Variants in SH3D19 observed in about 807,000 individuals in gnomAD.
The protein encoded by SH3D19 is SH3 domain containing 19, also known as SH3 domain-containing protein 19.
A neutral mutation model predicts 112.1 loss-of-function variants in SH3D19; 58 were observed. The ratio of observed to expected loss-of-function variants is 0.52; its 90% CI spans 0.42 to 0.64. SH3D19 has a LOEUF of 0.64. Among genes scored for constraint, SH3D19 ranks in the 30% least tolerant of loss-of-function variants. The probability of loss-of-function intolerance (pLI) is 0.00; values close to 1 mark genes in which losing one functional copy is unlikely to be tolerated. For synonymous variants in SH3D19, 391 were observed against 448.5 expected (o/e 0.87, Z 1.62); for missense variants, 1,090 against 1,263.4 (o/e 0.86, Z 2.08).
At chr4:151,281,647 G>C (rs1325290493) in intron 1 of SH3D19, among the ~76,000 whole-genome samples, 1 of 151,152 alleles carries the variant, frequency 6.6e-6, no homozygotes, top group African/African-American at 2.4e-5. Flanking sequence ...TTTGAACTGA[G>C]GGTGGTGGGG....
At chr4:151,268,030 T>C (rs146490267) in intron 1 of SH3D19, among the ~76,000 whole-genome samples, 2 of 152,176 alleles carry the variant, frequency 1.3e-5, no homozygotes, top group African/African-American at 4.8e-5. Context: ...TGGAGATCCG[T>C]CCTGAGAAAT....
intron 2 of SH3D19, among the ~76,000 whole-genome samples, chr4:151,201,923 A>T (rs1020028604): frequency 2.6e-5 from 4 of 151,174 alleles, no homozygotes; most frequent in African/African-American, 9.7e-5. Flanking sequence ...GAGACAGGAG[A>T]TTTGCTTGAA....
At chr4:151,323,881 C>T (rs1480291841) in intron 1 of SH3D19, among the ~76,000 whole-genome samples, 3 of 152,312 alleles carry the variant, frequency 2.0e-5, no homozygotes, top group African/African-American at 4.8e-5. Context: ...GAGAATGAAG[C>T]TTTCTGCTGA....
chr4:151,226,781 G>A (rs888120340), intron 1 of SH3D19, among the ~76,000 whole-genome samples: 6 of 152,148 alleles, frequency 3.9e-5, no homozygotes, highest in African/African-American at 1.4e-4. Flanking sequence ...TGCAGAGGTC[G>A]AGAAACCCTG....
intron 1 of SH3D19, among the ~76,000 whole-genome samples, chr4:151,260,562 A>G (rs974232741): frequency 6.6e-6 from 1 of 152,244 alleles, no homozygotes; most frequent in Non-Finnish European, 1.5e-5. Flanking sequence ...TTGCAATAGT[A>G]TAATAGGTTT....
At chr4:151,279,966 C>T (rs751310804) in intron 1 of SH3D19, 2 of 1,461,800 alleles carry the variant, frequency 1.4e-6, no homozygotes, top group Non-Finnish European at 1.8e-6. Context: ...ACCGTGAGTT[C>T]TAGCTGGCAG....
intron 1 of SH3D19, chr4:151,262,493 C>T (rs1195668152): frequency 1.3e-5 from 2 of 152,364 alleles, no homozygotes; most frequent in Admixed American, 6.5e-5. Flanking sequence ...TGTAAGAATC[C>T]ACCCCTCAGG....
intron 17 of SH3D19, among the ~76,000 whole-genome samples, chr4:151,130,787 A>C (rs1750500797): frequency 6.6e-6 from 1 of 152,146 alleles, no homozygotes; most frequent in Non-Finnish European, 1.5e-5. Flanking sequence ...TAAAACTACA[A>C]AAATTAGCGA....
rs950664170 is a variant in SH3D19, at chr4:151,148,324, C to T, written c.1818-138G>A. 8 of 909,362 alleles carry T rather than the reference C, an allele frequency of 8.8e-6. No homozygotes were observed. The African/African-American group carries it at 1.4e-4, about 16-fold the overall frequency. 56.3% of individuals were successfully genotyped at this position (909,362 alleles called of 1,614,324 possible). A position where few individuals can be genotyped will look rare whatever the true frequency, so the allele number is the denominator to read the frequency against. ...CTTTCTGCTAGTGGAATACAGTTTA[C>T]TGAAACATGCAGGGTATGCTATTTT... is the stretch of plus-strand genomic sequence containing the variant. On this transcript the variant is annotated intron_variant, in intron 10 of 19. Coordinates refer to ENST00000604030, the MANE Select transcript of SH3D19 (RefSeq NM_001378122.1).
chr4:151,174,460 C>A (rs1759581612), intron 7 of SH3D19, among the ~76,000 whole-genome samples: 1 of 152,176 alleles, frequency 6.6e-6, no homozygotes, highest in African/African-American at 2.4e-5. Context: ...CCCATATTTT[C>A]CCTTCCCTCC....
chr4:151,129,701 G>T (rs1365494812), intron 17 of SH3D19, among the ~76,000 whole-genome samples: 1 of 152,154 alleles, frequency 6.6e-6, no homozygotes, highest in Non-Finnish European at 1.5e-5. Context: ...CACAGGCAAG[G>T]TTTCCAGACC....
At chr4:151,206,321 G>A (rs1408089307) in intron 2 of SH3D19, among the ~76,000 whole-genome samples, 1 of 152,104 alleles carries the variant, frequency 6.6e-6, no homozygotes, top group Non-Finnish European at 1.5e-5. Context: ...TTTTGTGTGT[G>A]TGTGTCTGTG....
chr4:151,129,570 A>G (rs1196927797), intron 17 of SH3D19, among the ~76,000 whole-genome samples: 2 of 152,160 alleles, frequency 1.3e-5, no homozygotes, highest in Non-Finnish European at 2.9e-5. Flanking sequence ...GGGTTTCACC[A>G]TGTTGGCCAG....
Position 151,212,985 on chromosome 4 carries a change from G to A in SH3D19, c.152+13062C>T, listed in dbSNP as rs114919932. 4.4e-3 allele frequency among the ~76,000 whole-genome samples: 677 copies of A among 152,292 alleles called. 3 individuals are homozygous for A. Among genetic ancestry groups the A allele is most frequent in the African/African-American group, 0.016 (646 of 41,554 alleles). On this transcript the variant is annotated intron_variant, in intron 2 of 19. Transcript: ENST00000604030. ...TGACTTTGAGGGGTTCAAGACTCCC[G>A]TGGAGGAAGTAACTGCAGATATAGT...
chr4:151,301,044 A>G lies in SH3D19; in HGVS notation c.112+24197T>C, dbSNP rs190744262. Among the ~76,000 whole-genome samples the G allele has an allele frequency of 4.7e-3, 713 of 152,334 alleles. 5 individuals are homozygous for G. Among genetic ancestry groups the G allele is most frequent in the Non-Finnish European group, 8.0e-3 (545 of 68,028 alleles). ...CTTGGCACAGAAATAGTTTAGAGGT[A>G]AGAAATGTAAGTGATACGGTTTGGA... On this transcript the variant is annotated intron_variant, in intron 1 of 19. Transcript: ENST00000604030.
intron 9 of SH3D19, among the ~76,000 whole-genome samples, chr4:151,154,109 A>T (rs918572407): frequency 6.8e-6 from 1 of 147,464 alleles, no homozygotes; most frequent in Non-Finnish European, 1.5e-5. Context: ...TTATAGGCGC[A>T]TGACACCACA....
At chr4:151,320,833 A>G (rs1027354638) in intron 1 of SH3D19, among the ~76,000 whole-genome samples, 2 of 152,298 alleles carry the variant, frequency 1.3e-5, no homozygotes, top group African/African-American at 4.8e-5. Flanking sequence ...TGAGGTCAGG[A>G]GTTCAAGACC....
chr4:151,125,855 A>C (rs1166760687), intron 19 of SH3D19, among the ~76,000 whole-genome samples: 4 of 151,630 alleles, frequency 2.6e-5, no homozygotes, highest in Admixed American at 1.3e-4. Flanking sequence ...CAAAAAAAAA[A>C]AAAAAAAAAA....
At position 151,226,765 on chromosome 4, in the gene SH3D19, C is replaced by T. The variant is rs1769073877; in HGVS notation, c.113-679G>A. On this transcript the variant is annotated intron_variant, in intron 1 of 19. Coordinates refer to ENST00000604030, the MANE Select transcript of SH3D19 (RefSeq NM_001378122.1). ...AAAAGAATTATCTCATCCAAAATGT[C>T]AGCAGTGCAGAGGTCGAGAAACCCT... 3.9e-5 allele frequency among the ~76,000 whole-genome samples: 6 copies of T among 152,148 alleles called. No individual in the cohort carries two copies. In the South Asian group the frequency reaches 1.2e-3, roughly 31 times the overall value.
Sources: gnomAD v4.1 joint callset for allele counts (sites outside exome capture counted in the v4.1 genomes callset) on GRCh38, gnomAD v4.1.1 for gene constraint, MANE v1.5 for transcripts, NCBI Gene and HGNC (gene_info 2026-07-23, HGNC 2026-07-21) for gene names.